Variants in HELZ observed in about 807,000 individuals in gnomAD.
HELZ encodes the protein ATP-dependent RNA helicase with zinc finger domain.
HELZ carries 23 observed loss-of-function variants against 218.2 expected under a neutral mutation model. That is an observed-to-expected ratio of 0.11 (90% confidence interval 0.08 to 0.15). HELZ has a LOEUF of 0.15. Among genes scored for constraint, HELZ ranks in the 10% least tolerant of loss-of-function variants. HELZ has a pLI of 1.00. For synonymous variants in HELZ, 814 were observed against 829.4 expected, an observed-to-expected ratio of 0.98 and a Z score of 0.32; for missense variants, 1,813 against 2,353.7, an observed-to-expected ratio of 0.77 and a Z score of 4.75.
At chr17:67,109,798 G>T in intron 28 of HELZ, 112 bp from the exon 29 acceptor site, 2 of 733,172 alleles carry the variant, frequency 2.7e-6, no homozygotes, top group Non-Finnish European at 4.3e-6. Flanking sequence ...ATATCTTCCA[G>T]CAGGAGAGCT....
At chr17:67,081,963 C>T (rs557106359) in intron 32 of HELZ, among the ~76,000 whole-genome samples, 2 of 151,934 alleles carry the variant, frequency 1.3e-5, no homozygotes, top group South Asian at 2.1e-4. Flanking sequence ...AAAAGCAGGA[C>T]GAAGGAGCAG....
intron 32 of HELZ, among the ~76,000 whole-genome samples, chr17:67,085,557 T>TG (rs1192802169): frequency 8.6e-5 from 13 of 151,768 alleles, no homozygotes; most frequent in Non-Finnish European, 1.0e-4. Flanking sequence ...TTTAAATGTT[T>TG]TTTTTTAATT....
In HELZ at chr17:67,086,889, G is replaced by C. The variant is rs772380595; in HGVS notation, c.5434C>G (p.Pro1812Ala). Residue 1812 changes from proline to alanine, a missense_variant, in exon 32 of 33, where the codon CCT becomes GCT. Physicochemically the swap from Pro to Ala is conservative, Grantham distance 27 (BLOSUM62 -1). Coordinates refer to ENST00000358691, the MANE Select transcript of HELZ (RefSeq NM_014877.4). ...CCATTGCACGGAATGTTCTGATAAG[G>C]AGTAGATGAGGTGGTGTTTACCCAG... The part of the protein sequence containing the change: ...ESWVNTTSST[P>A]YQNIPCNGSS... 1.2e-6 allele frequency: 2 copies of C among 1,613,636 alleles called. No homozygotes were observed. Among genetic ancestry groups the C allele is most frequent in the Non-Finnish European group, 1.7e-6 (2 of 1,179,950 alleles).
Position 67,078,360 on chromosome 17 carries a change from C to T in HELZ, c.5721G>A (p.Arg1907=). 1 of 1,612,768 alleles carries T rather than the reference C, an allele frequency of 6.2e-7. No homozygotes were observed. Among genetic ancestry groups the T allele is most frequent in the Non-Finnish European group, 8.5e-7 (1 of 1,179,590 alleles). The change falls in exon 33 of 33, where the codon AGG becomes AGA. Residue 1907 remains arginine, a synonymous_variant. Coordinates refer to ENST00000358691, the MANE Select transcript of HELZ (RefSeq NM_014877.4). ...ASALRAPPKP[R]PPPEQAKKSS... is the part of the protein sequence containing the mutation. ...TCTTCTTGGCCTGCTCAGGAGGGGGCCTGGGCTTTGGAGGGGCCCGCAGAG... is the reference window on the plus strand; with the variant it reads ...TCTTCTTGGCCTGCTCAGGAGGGGGTCTGGGCTTTGGAGGGGCCCGCAGAG...
chr17:67,136,557 G>A (rs1327056207), intron 22 of HELZ, among the ~76,000 whole-genome samples: 1 of 152,140 alleles, frequency 6.6e-6, no homozygotes, highest in Non-Finnish European at 1.5e-5. Flanking sequence ...GAGTATCCCT[G>A]GACAGAGGAA....
intron 31 of HELZ, among the ~76,000 whole-genome samples, chr17:67,097,052 T>C (rs764835319): frequency 6.6e-6 from 1 of 152,158 alleles, no homozygotes; most frequent in African/African-American, 2.4e-5. Flanking sequence ...CATGGTAGCA[T>C]TGTTAACTGG....
chr17:67,119,254 T>A (rs1053431584), intron 27 of HELZ, among the ~76,000 whole-genome samples: 7 of 152,162 alleles, frequency 4.6e-5, no homozygotes, highest in African/African-American at 1.7e-4. Flanking sequence ...AATAGGTGTA[T>A]CAAATGATGG....
At chr17:67,089,740 T>C (rs1012486053) in intron 31 of HELZ, among the ~76,000 whole-genome samples, 1 of 117,430 alleles carries the variant, frequency 8.5e-6, no homozygotes, top group African/African-American at 3.3e-5. Flanking sequence ...GAGAGATTGA[T>C]TGATTTTTGT....
intron 27 of HELZ, among the ~76,000 whole-genome samples, chr17:67,116,686 A>C (rs2037437122): frequency 6.6e-6 from 1 of 152,184 alleles, no homozygotes; most frequent in Admixed American, 6.5e-5. Context: ...TAGAACTTCA[A>C]AATTCATCAA....
At position 67,071,347 on chromosome 17, in the gene HELZ, G is replaced by C. The variant is rs1048617049; in HGVS notation, c.*6905C>G. ...TACTGAAAGATATAAAGAGGTCTTC[G>C]CATACAAGTTATCGTGCAAAGCAAA... On this transcript the variant is annotated 3_prime_UTR_variant, in exon 33 of 33. Coordinates refer to ENST00000358691, the MANE Select transcript of HELZ (RefSeq NM_014877.4). The C allele has an allele frequency of 6.6e-6, 1 of 152,376 alleles. No individual in the cohort carries two copies. Among genetic ancestry groups the C allele is most frequent in the Non-Finnish European group, 1.5e-5 (1 of 68,024 alleles). 9.4% of individuals were successfully genotyped at this position (152,376 alleles called of 1,614,324 possible).
intron 13 of HELZ, chr17:67,176,369 A>T (rs2039457285): frequency 6.6e-6 from 1 of 152,224 alleles, no homozygotes; most frequent in Non-Finnish European, 1.5e-5. Context: ...TATAACATTC[A>T]ATCATATAGC....
chr17:67,227,932 G>A (rs1158518475), intron 3 of HELZ, among the ~76,000 whole-genome samples: 1 of 152,172 alleles, frequency 6.6e-6, no homozygotes, highest in Admixed American at 6.5e-5. Flanking sequence ...GAGACTTTAA[G>A]CAAAAGTAAA....
intron 12 of HELZ, among the ~76,000 whole-genome samples, chr17:67,186,292 G>A (rs1215012537): frequency 1.3e-5 from 2 of 151,964 alleles, no homozygotes; most frequent in South Asian, 2.1e-4. Flanking sequence ...GCCTGATGTC[G>A]TACGAGGCTT....
intron 21 of HELZ, among the ~76,000 whole-genome samples, chr17:67,144,914 G>A (rs2038446655): frequency 6.6e-6 from 1 of 152,100 alleles, no homozygotes; most frequent in Admixed American, 6.5e-5. Flanking sequence ...CTTTGCTTTT[G>A]GCTAGGATTT....
rs1439288678 is a variant in HELZ, at chr17:67,076,551, G to A, written c.*1701C>T. ...AATGAACCGCACTCTTAGCAGAAAGGTAGAGCTGAATACAAGAGGCACGCA... is the reference window on the plus strand; with the variant it reads ...AATGAACCGCACTCTTAGCAGAAAGATAGAGCTGAATACAAGAGGCACGCA... On this transcript the variant is annotated 3_prime_UTR_variant, in exon 33 of 33. Transcript: ENST00000358691. The A allele has an allele frequency of 6.6e-6, 1 of 152,330 alleles. No homozygotes were observed. Among genetic ancestry groups the A allele is most frequent in the African/African-American group, 2.4e-5 (1 of 41,444 alleles). The allele number at this position is 152,330 out of a possible 1,614,324, so 9.4% of individuals were successfully genotyped here. A position where few individuals can be genotyped will look rare whatever the true frequency, so the allele number is the denominator to read the frequency against.
intron 32 of HELZ, among the ~76,000 whole-genome samples, chr17:67,082,628 C>T (rs1368025650): frequency 6.6e-6 from 1 of 152,066 alleles, no homozygotes; most frequent in Non-Finnish European, 1.5e-5. Context: ...GTATATTTAT[C>T]ACTTTTCCCT....
chr17:67,089,668 T>TATAGAGAGAGAGAGAGAGAG (rs71293575), intron 31 of HELZ, among the ~76,000 whole-genome samples: 3 of 70,632 alleles, frequency 4.2e-5, no homozygotes, highest in African/African-American at 1.2e-4. Flanking sequence ...TATATATATA[T>TATAGAGAGAGAGAGAGAGAG]AGAGAGAGAG....
rs749192268 is a variant in HELZ, at chr17:67,167,569, T to A, written c.1658A>T (p.Lys553Met). 6.2e-7 allele frequency: 1 copy of A among 1,613,684 alleles called. No individual in the cohort carries two copies. Among genetic ancestry groups the A allele is most frequent in the Non-Finnish European group, 8.5e-7 (1 of 1,179,690 alleles). Reference protein sequence around the residue: ...KLVQTQGTKEKVYEATIEEKT... With the variant: ...KLVQTQGTKEMVYEATIEEKT... Reference sequence around the variant, plus strand: ...TTCTTCAATAGTAGCTTCATAAACCTTCTCTTTGGTTCCCTGGGTCTGTAC... The same window carrying A: ...TTCTTCAATAGTAGCTTCATAAACCATCTCTTTGGTTCCCTGGGTCTGTAC... The change falls in exon 14 of 33, where the codon AAG (lysine) becomes ATG (methionine). Residue 553 changes from lysine to methionine, a missense_variant. Around this residue, in one of 4 missense-constraint regions of HELZ, gnomAD observed 714 missense variants for 1,029.2 expected, o/e 0.69. Transcript: ENST00000358691.
intron 3 of HELZ, chr17:67,225,137 TAA>T (rs1567908020): frequency 2.5e-6 from 1 of 407,088 alleles, no homozygotes; most frequent in African/African-American, 2.1e-5. Flanking sequence ...TAACAACTTA[TAA>T]AGTTACTTCA....
Sources: gnomAD v4.1 joint callset for allele counts (sites outside exome capture counted in the v4.1 genomes callset) on GRCh38, gnomAD v4.1.1 for gene constraint, gnomAD v4.1.1 regional missense constraint, MANE v1.5 for transcripts, NCBI Gene and HGNC (gene_info 2026-07-23, HGNC 2026-07-21) for gene names.